CELF2: variants seen among roughly 807,000 people sequenced by gnomAD.
CELF2 encodes CUGBP Elav-like family member 2, also known as CUG triplet repeat RNA-binding protein 2.
CELF2 carries 8 observed loss-of-function variants against 62.6 expected under a neutral mutation model. The ratio of observed to expected loss-of-function variants is 0.13; its 90% CI spans 0.07 to 0.23. The LOEUF is 0.23. Among genes scored for constraint, CELF2 ranks in the 10% least tolerant of loss-of-function variants. The probability of loss-of-function intolerance (pLI) is 1.00; values close to 1 mark genes in which losing one functional copy is unlikely to be tolerated. For missense variants in CELF2, 333 were observed against 671.0 expected (o/e 0.50, Z 5.56); for synonymous variants, 258 against 250.0 (o/e 1.03, Z -0.30).
chr10:11,028,301 A>C (rs2059558580), intron 1 of CELF2, among the ~76,000 whole-genome samples: 2 of 151,894 alleles, frequency 1.3e-5, no homozygotes, highest in African/African-American at 4.8e-5. Context: ...CCAGATTTTG[A>C]TTTTCTTATG....
rs200855612 is a variant in CELF2 at position 10,948,897 on chromosome 10, G to A, written c.89+28898G>A. Among the ~76,000 whole-genome samples the A allele has an allele frequency of 1.4e-4, 22 of 152,114 alleles. No homozygotes were observed. In the East Asian group the frequency reaches 2.3e-3, roughly 16 times the overall value. On this transcript the variant is annotated intron_variant, in intron 2 of 13. Coordinates refer to the CELF2 transcript ENST00000636488. Reference sequence around the variant, plus strand: ...GCTGGCTCTGGCTTCCTGCAAAAACGCTTACCTGTCTCTGTACCCATCTAA... The same window carrying A: ...GCTGGCTCTGGCTTCCTGCAAAAACACTTACCTGTCTCTGTACCCATCTAA...
At chr10:10,546,048 G>A in the CELF2 span, among the ~76,000 whole-genome samples, 9 of 152,090 alleles carry the variant, frequency 5.9e-5, no homozygotes, top group Admixed American at 2.6e-4. Context: ...GATATAGGAC[G>A]ACGCTGACAA....
chr10:11,253,356 C>T (rs897647175), intron 4 of CELF2, among the ~76,000 whole-genome samples: 1 of 152,178 alleles, frequency 6.6e-6, no homozygotes, highest in Admixed American at 6.5e-5. Flanking sequence ...GTGTCAAGTT[C>T]AGAGCTAGCA....
At chr10:10,838,001 G>A (rs936574833) in intron 1 of CELF2, among the ~76,000 whole-genome samples, 1 of 152,130 alleles carries the variant, frequency 6.6e-6, no homozygotes, top group African/African-American at 2.4e-5. Flanking sequence ...ACAGTATTCT[G>A]TTTTCCTTGC....
chr10:10,497,199 A>C, the CELF2 span, among the ~76,000 whole-genome samples: 1 of 131,944 alleles, frequency 7.6e-6, no homozygotes, highest in Non-Finnish European at 1.6e-5. Flanking sequence ...TCTAAAAAAA[A>C]AAAAAAGATA....
chr10:10,783,278 C>T, the CELF2 span, among the ~76,000 whole-genome samples: 9 of 152,222 alleles, frequency 5.9e-5, 1 homozygote, highest in South Asian at 1.2e-3. Flanking sequence ...AGCCCTAATC[C>T]GGTATGACTG....
intron 2 of CELF2, among the ~76,000 whole-genome samples, chr10:10,982,958 A>G (rs1384952385): frequency 6.6e-6 from 1 of 150,932 alleles, no homozygotes; most frequent in African/African-American, 2.4e-5. Context: ...TTTTGTATGT[A>G]TTCATTTAAA....
the CELF2 span, among the ~76,000 whole-genome samples, chr10:10,506,266 C>T: frequency 1.1e-5 from 1 of 87,056 alleles, no homozygotes; most frequent in South Asian, 5.6e-4. Flanking sequence ...TTAAGATGCA[C>T]TTCGTGTGTG....
At chr10:11,198,696 A>G (rs1408737568) in intron 2 of CELF2, among the ~76,000 whole-genome samples, 1 of 152,254 alleles carries the variant, frequency 6.6e-6, no homozygotes, top group African/African-American at 2.4e-5. Flanking sequence ...AAGGAGACCC[A>G]GAAGGGCATG....
the CELF2 span, among the ~76,000 whole-genome samples, chr10:10,673,571 A>T: frequency 6.6e-6 from 1 of 151,846 alleles, no homozygotes; most frequent in Non-Finnish European, 1.5e-5. Flanking sequence ...CTTTTATTCT[A>T]CTTACTTTGG....
intron 8 of CELF2, among the ~76,000 whole-genome samples, chr10:11,281,976 G>C (rs1470951438): frequency 6.6e-6 from 1 of 152,190 alleles, no homozygotes; most frequent in Non-Finnish European, 1.5e-5. Flanking sequence ...AGCAGCGCTA[G>C]ACTGGAATCC....
chr10:10,984,944 G>C (rs1427184468), intron 2 of CELF2, among the ~76,000 whole-genome samples: 1 of 152,124 alleles, frequency 6.6e-6, no homozygotes, highest in Non-Finnish European at 1.5e-5. Context: ...CAGTAAAGAA[G>C]AGAAACGGGC....
chr10:11,015,080 AC>A (rs1190247217), upstream of CELF2, among the ~76,000 whole-genome samples: 4 of 152,264 alleles, frequency 2.6e-5, no homozygotes, highest in Admixed American at 2.6e-4. The surrounding 1 kb of genome is among the most constrained non-coding windows in gnomAD (Gnocchi z 4.8). Context: ...GCTTCATTGA[AC>A]CCGAGCGTTC....
chr10:10,541,631 T>C, the CELF2 span, among the ~76,000 whole-genome samples: 1 of 152,238 alleles, frequency 6.6e-6, no homozygotes, highest in Non-Finnish European at 1.5e-5. Context: ...ATGGTGTCTG[T>C]AAACTGTCAT....
At chr10:10,597,218 C>T in the CELF2 span, among the ~76,000 whole-genome samples, 1 of 152,174 alleles carries the variant, frequency 6.6e-6, no homozygotes, top group Non-Finnish European at 1.5e-5. Flanking sequence ...GATGACTCAA[C>T]CAAAGAGGCC....
the CELF2 span, among the ~76,000 whole-genome samples, chr10:10,477,785 AG>A: frequency 1.3e-5 from 2 of 151,502 alleles, no homozygotes; most frequent in Non-Finnish European, 2.9e-5. Flanking sequence ...AAAAAAAAAA[AG>A]GTCATCATCT....
the CELF2 span, among the ~76,000 whole-genome samples, chr10:10,760,348 T>C: frequency 2.4e-4 from 37 of 152,328 alleles, no homozygotes; most frequent in African/African-American, 8.7e-4. Context: ...GAATGCTCCA[T>C]GTGACCCAGA....
At chr10:10,479,842 A>G in the CELF2 span, among the ~76,000 whole-genome samples, 2 of 152,242 alleles carry the variant, frequency 1.3e-5, no homozygotes, top group Non-Finnish European at 1.5e-5. Context: ...TTCTTAATAA[A>G]TGGGAATTAC....
At chr10:11,299,529 A>G (rs2093513545) in intron 9 of CELF2, among the ~76,000 whole-genome samples, 2 of 152,060 alleles carry the variant, frequency 1.3e-5, no homozygotes, top group African/African-American at 2.4e-5. Context: ...TGCTTTCCTG[A>G]GAAGCCCCTG....
Sources: allele counts gnomAD v4.1 joint callset (sites outside exome capture counted in the v4.1 genomes callset), GRCh38; gene constraint gnomAD v4.1.1; non-coding constraint Gnocchi (gnomAD v3.1); transcripts MANE v1.5; gene names NCBI Gene and HGNC (gene_info 2026-07-23, HGNC 2026-07-21).